Variants in HHAT observed in about 807,000 individuals in gnomAD.
The protein encoded by HHAT is protein-cysteine N-palmitoyltransferase HHAT.
In HHAT, 47 loss-of-function variants were observed where a neutral mutation model predicts 70.8. The observed-to-expected ratio is 0.66, with a 90% CI of 0.53 to 0.85. The LOEUF (loss-of-function observed/expected upper bound fraction) is 0.85. Among genes scored for constraint, HHAT ranks in the 40% least tolerant of loss-of-function variants. The pLI, the probability that HHAT is intolerant of heterozygous loss-of-function variation, is 0.00. For missense variants in HHAT, 609 were observed against 604.8 expected, an observed-to-expected ratio of 1.01 and a Z score of -0.07; for synonymous variants, 228 against 247.6, an observed-to-expected ratio of 0.92 and a Z score of 0.74.
chr1:210,496,084 GTT>G (rs35707126), intron 8 of HHAT, among the ~76,000 whole-genome samples: 2 of 136,892 alleles, frequency 1.5e-5, no homozygotes, highest in Non-Finnish European at 3.1e-5. Context: ...AAAGAGTAAA[GTT>G]TTTTTTTTTT....
At chr1:210,496,010 C>CAAAAAAAAAAAAA (rs10639399) in intron 8 of HHAT, among the ~76,000 whole-genome samples, 285 of 67,758 alleles carry the variant, frequency 4.2e-3, no homozygotes, top group Middle Eastern at 0.014. Flanking sequence ...AACTCTATCT[C>CAAAAAAAAAAAAA]AAAAAAAAAA....
chr1:210,522,706 A>G (rs1276823513), intron 9 of HHAT, among the ~76,000 whole-genome samples: 1 of 152,170 alleles, frequency 6.6e-6, no homozygotes, highest in Non-Finnish European at 1.5e-5. Context: ...GTATATGCTA[A>G]TCACTCAGCC....
At chr1:210,452,441 A>AC (rs1558544585) in intron 7 of HHAT, among the ~76,000 whole-genome samples, 2 of 152,190 alleles carry the variant, frequency 1.3e-5, no homozygotes, top group Non-Finnish European at 2.9e-5. Context: ...ACCCTAATGT[A>AC]TTCATCTCCC....
intron 8 of HHAT, among the ~76,000 whole-genome samples, chr1:210,471,504 G>A (rs1300987083): frequency 6.6e-6 from 1 of 151,852 alleles, no homozygotes; most frequent in Non-Finnish European, 1.5e-5. Context: ...TTTATCTTTG[G>A]GGGTAGGATT....
chr1:210,435,967 T>A (rs1373521076), intron 7 of HHAT, among the ~76,000 whole-genome samples: 1 of 151,896 alleles, frequency 6.6e-6, no homozygotes, highest in Non-Finnish European at 1.5e-5. Flanking sequence ...TTTAGCTTGA[T>A]ACAATCCATT....
chr1:210,490,199 G>A (rs993370478), intron 8 of HHAT, among the ~76,000 whole-genome samples: 1 of 152,220 alleles, frequency 6.6e-6, no homozygotes, highest in African/African-American at 2.4e-5. Flanking sequence ...AGGCTGCCAA[G>A]GCCTTCAAGT....
At chr1:210,348,512 A>G (rs1332668435) in intron 1 of HHAT, among the ~76,000 whole-genome samples, 1 of 152,118 alleles carries the variant, frequency 6.6e-6, no homozygotes, top group African/African-American at 2.4e-5. Flanking sequence ...TTCACAGAGC[A>G]CCTGGTAGTC....
chr1:210,469,929 C>T (rs2094172009), intron 8 of HHAT, among the ~76,000 whole-genome samples: 1 of 152,114 alleles, frequency 6.6e-6, no homozygotes, highest in Non-Finnish European at 1.5e-5. Context: ...CAACTATCAA[C>T]CCGACTTCTA....
At chr1:210,484,410 G>C (rs901607539) in intron 8 of HHAT, among the ~76,000 whole-genome samples, 3 of 152,026 alleles carry the variant, frequency 2.0e-5, no homozygotes, top group Non-Finnish European at 2.9e-5. Flanking sequence ...GGGACACCAT[G>C]TCCAACTCTG....
At chr1:210,465,624 A>G (rs954156081) in intron 8 of HHAT, among the ~76,000 whole-genome samples, 1 of 152,202 alleles carries the variant, frequency 6.6e-6, no homozygotes, top group Non-Finnish European at 1.5e-5. Context: ...AGGCTTATTC[A>G]TTCTTAAATT....
intron 8 of HHAT, among the ~76,000 whole-genome samples, chr1:210,507,455 G>T (rs764686856): frequency 1.0e-4 from 15 of 150,496 alleles, no homozygotes; most frequent in Non-Finnish European, 1.6e-4. Flanking sequence ...CCGCCTCCTG[G>T]GTTCAAGTGA....
intron 10 of HHAT, among the ~76,000 whole-genome samples, chr1:210,615,932 C>T (rs576838443): frequency 1.4e-4 from 21 of 152,282 alleles, no homozygotes; most frequent in East Asian, 1.4e-3. Flanking sequence ...TCTCAAGCTG[C>T]GTGCTGGGAG....
At chr1:210,446,455 A>T (rs976933165) in intron 7 of HHAT, among the ~76,000 whole-genome samples, 1 of 152,214 alleles carries the variant, frequency 6.6e-6, no homozygotes, top group South Asian at 2.1e-4. Context: ...AACTTGCTCT[A>T]CAATGATGTG....
At chr1:210,338,554 C>T (rs1279913229) in intron 1 of HHAT, among the ~76,000 whole-genome samples, 1 of 152,144 alleles carries the variant, frequency 6.6e-6, no homozygotes, top group African/African-American at 2.4e-5. Flanking sequence ...GTTTACTATG[C>T]CTAAGGCACT....
chr1:210,445,420 C>A (rs2148374476), intron 7 of HHAT, among the ~76,000 whole-genome samples: 1 of 152,250 alleles, frequency 6.6e-6, no homozygotes, highest in South Asian at 2.1e-4. Flanking sequence ...GTGAAATAAT[C>A]TTTTAAATTT....
At chr1:210,523,781 G>A (rs1267743885) in intron 9 of HHAT, among the ~76,000 whole-genome samples, 4 of 151,894 alleles carry the variant, frequency 2.6e-5, no homozygotes, top group East Asian at 1.9e-4. Flanking sequence ...CTTAGTAACC[G>A]TCTAATTTTC....
intron 7 of HHAT, among the ~76,000 whole-genome samples, chr1:210,425,877 A>G (rs2093047378): frequency 6.6e-6 from 1 of 152,170 alleles, no homozygotes. Context: ...AGTTCTGTGA[A>G]GAATGTCAAT....
At chr1:210,383,361 C>A (rs192496286) in intron 3 of HHAT, among the ~76,000 whole-genome samples, 1 of 151,632 alleles carries the variant, frequency 6.6e-6, no homozygotes, top group East Asian at 1.9e-4. Flanking sequence ...AAATCACTGA[C>A]GAAATAAAAA....
In HHAT at chr1:210,568,425, G is replaced by A. The variant is rs774395331; in HGVS notation, c.1044-19473G>A. 3.3e-5 allele frequency among the ~76,000 whole-genome samples: 5 copies of A among 152,340 alleles called. No homozygotes were observed. The Middle Eastern group carries it at 0.01, about 313-fold the overall frequency. On this transcript the variant is annotated intron_variant, in intron 9 of 11. Transcript: ENST00000261458. ...TAATCAAACCCAAGGAGGGAGGGTC[G>A]TGGGAGCCTCAATTTATGGCTGGTT...
Sources: allele counts gnomAD v4.1 joint callset (sites outside exome capture counted in the v4.1 genomes callset), GRCh38; gene constraint gnomAD v4.1.1; transcripts MANE v1.5; gene names NCBI Gene and HGNC (gene_info 2026-07-23, HGNC 2026-07-21).